The following SLCO4A1 variants were observed in gnomAD, a reference collection of about 807,000 sequenced individuals.
SLCO4A1 encodes solute carrier organic anion transporter family member 4A1.
A neutral mutation model predicts 64.6 loss-of-function variants in SLCO4A1; 51 were observed. The ratio of observed to expected loss-of-function variants is 0.79; its 90% CI spans 0.63 to 1.00. The LOEUF (loss-of-function observed/expected upper bound fraction) is 1.00. SLCO4A1 is among the 50% of genes least tolerant of loss of function. The probability of loss-of-function intolerance (pLI) is 0.00; values close to 1 mark genes in which losing one functional copy is unlikely to be tolerated. For missense variants in SLCO4A1, 919 were observed against 980.5 expected (o/e 0.94, Z 0.84); for synonymous variants, 471 against 444.9 (o/e 1.06, Z -0.74).
In SLCO4A1 at chr20:62,658,738, G is replaced by A. The variant is rs1260473500; in HGVS notation, c.858G>A (p.Leu286=). 5.6e-6 allele frequency: 9 copies of A among 1,611,916 alleles called. No individual in the cohort carries two copies. The African/African-American group carries it at 8.0e-5, about 14-fold the overall frequency. The change falls in exon 3 of 12, where the codon CTG becomes CTA. Residue 286 remains leucine, a synonymous_variant. Transcript: ENST00000217159. ...CCGGCTACCTGATTGGAGGTGCCCT[G>A]CTGAATATCTACACGGAAATGGGCC... ...PAAGYLIGGA[L]LNIYTEMGRR... is the part of the protein sequence containing the mutation.
chr20:62,666,236 GGT>G, intron 6 of SLCO4A1, 142 bp from the exon 7 acceptor site: 2 of 648,542 alleles, frequency 3.1e-6, no homozygotes, highest in Non-Finnish European at 5.3e-6. Context: ...ACTCAGGTGT[GGT>G]GTTGAGTGCT....
At chr20:62,660,619 T>C in intron 4 of SLCO4A1, 86 bp downstream of exon 4, 1 of 1,458,602 alleles carries the variant, frequency 6.9e-7, no homozygotes, top group South Asian at 1.2e-5. Flanking sequence ...TCCTCTGCTG[T>C]CTTTTTCCCC....
chr20:62,677,341 C>T (rs970765877), intron 2 of SLCO4A1, among the ~76,000 whole-genome samples: 1 of 152,230 alleles, frequency 6.6e-6, no homozygotes, highest in African/African-American at 2.4e-5. Context: ...ATGCATTCAT[C>T]GCTGACTGCC....
Position 62,656,760 on chromosome 20 carries a change from C to T in SLCO4A1, c.306C>T (p.Pro102=), listed in dbSNP as rs138778384. 25 of 1,612,656 alleles carry T rather than the reference C, an allele frequency of 1.6e-5. No individual in the cohort carries two copies. In the African/African-American group the frequency reaches 3.1e-4, roughly 20 times the overall value. The change falls in exon 2 of 12, where the codon CCC becomes CCT. Residue 102 remains proline (P), a synonymous_variant. Coordinates refer to ENST00000217159, the MANE Select transcript of SLCO4A1 (RefSeq NM_016354.4). ...CGTGCCTGCAGGTCCTCAACACGCC[C>T]AAGGGCATCCTGTTCTTCCTGTGTG... ...APPCLQVLNT[P]KGILFFLCAA... is the part of the protein sequence containing the mutation.
At chr20:62,643,132 G>C in intron 1 of SLCO4A1, 1 of 429,836 alleles carries the variant, frequency 2.3e-6, no homozygotes, top group South Asian at 1.6e-5. Flanking sequence ...GGGGAGCGCG[G>C]GCGGAGCGCA....
At chr20:62,679,246 G>C (rs889502347) in intron 2 of SLCO4A1, among the ~76,000 whole-genome samples, 24 of 152,168 alleles carry the variant, frequency 1.6e-4, no homozygotes, top group African/African-American at 5.8e-4. Flanking sequence ...GAGCTGCTCT[G>C]GGTCACGAAG....
chr20:62,658,794 G>A, intron 3 of SLCO4A1, 27 bp downstream of exon 3: 1 of 1,544,102 alleles, frequency 6.5e-7, no homozygotes, highest in Non-Finnish European at 8.8e-7. Context: ...CCAGCTGCCT[G>A]CGCTGGAGAG....
rs751679148 is a variant in SLCO4A1, at chr20:62,656,863, C to G, written c.409C>G (p.Leu137Val). 4.4e-6 allele frequency: 7 copies of G among 1,595,578 alleles called. No homozygotes were observed. The highest frequency in any genetic ancestry group is 4.0e-5 in the African/African-American group (3 of 74,662). The change falls in exon 2 of 12, where the codon CTG becomes GTG. Residue 137 changes from leucine (L) to valine (V), a missense_variant. Physicochemically the swap from Leu to Val is conservative, Grantham distance 32. Transcript: ENST00000217159. ...VITSLERRYD[L>V]HSYQSGLIAS... ...CACCTCCCTGGAGCGCCGCTATGAC[C>G]TGCACAGCTACCAGAGCGGGCTCAT...
At chr20:62,677,187 G>A (rs1489414191), downstream of SLCO4A1, among the ~76,000 whole-genome samples, 3 of 152,320 alleles carry the variant, frequency 2.0e-5, no homozygotes, top group South Asian at 2.1e-4. Flanking sequence ...TTGGTGCAGT[G>A]ATGAAATGTT....
At chr20:62,665,116 C>G in intron 6 of SLCO4A1, 28 bp downstream of exon 6, 1 of 1,590,206 alleles carries the variant, frequency 6.3e-7, no homozygotes. Context: ...TGGGGGTCCT[C>G]TGCTTTTATG....
At chr20:62,660,877 G>A (rs1984655993) in intron 4 of SLCO4A1, among the ~76,000 whole-genome samples, 187 bp from the exon 5 acceptor site, 1 of 151,946 alleles carries the variant, frequency 6.6e-6, no homozygotes, top group East Asian at 1.9e-4. Context: ...AACCCGGCTT[G>A]TGCTGCATTC....
chr20:62,671,635 G>T lies in SLCO4A1; in HGVS notation c.2026-115G>T, dbSNP rs1987224147. On this transcript the variant is annotated intron_variant, in intron 11 of 11. Transcript: ENST00000217159. ...CTCTCAGAGCAGGATGGGTTTCCGT[G>T]GACCTGGTGAGGGTGCTGCAGGCTG... 3.3e-6 allele frequency: 3 copies of T among 921,054 alleles called. No individual in the cohort carries two copies. In the South Asian group the frequency reaches 4.7e-5, roughly 15 times the overall value. The allele number at this position is 921,054 out of a possible 1,614,324, so 57.1% of individuals were successfully genotyped here.
At chr20:62,672,596 A>G (rs1987359136), downstream of SLCO4A1, 1 of 152,302 alleles carries the variant, frequency 6.6e-6, no homozygotes. Flanking sequence ...AACGTGTCAC[A>G]GTAAAATTGT....
Position 62,685,576 on chromosome 20 carries a change from T to C in SLCO4A1, n.347T>C. 2.5e-6 allele frequency: 1 copy of C among 407,246 alleles called. No homozygotes were observed. The highest frequency in any genetic ancestry group is 3.3e-6 in the Non-Finnish European group (1 of 301,436). 25.2% of individuals were successfully genotyped at this position (407,246 alleles called of 1,614,324 possible). A position where few individuals can be genotyped will look rare whatever the true frequency, so the allele number is the denominator to read the frequency against. ...TGACAACGTCTTCCAGAGCAGGCTT[T>C]CTCTAGAGGGTGGACTGCCTGTGTT... On this transcript the variant is annotated non_coding_transcript_exon_variant, in exon 3 of 3. Transcript: ENST00000466818. This position sits in a 1 kb window ranked among gnomAD's most constrained non-coding sequence, Gnocchi z 4.6.
intron 2 of SLCO4A1, 145 bp downstream of exon 2, chr20:62,657,395 C>G (rs754271585): frequency 2.8e-5 from 23 of 823,170 alleles, no homozygotes; most frequent in Non-Finnish European, 4.1e-5. Flanking sequence ...CAAGAGTTGG[C>G]AGGGGAGGAG....
chr20:62,663,259 CAGA>C (rs1167108879), intron 5 of SLCO4A1: 1 of 152,230 alleles, frequency 6.6e-6, no homozygotes, highest in Non-Finnish European at 1.5e-5. Flanking sequence ...CCTGATTCTT[CAGA>C]ATCCATTTAC....
rs1984215797 is a variant in SLCO4A1, at chr20:62,658,716, G to T, written c.836G>T (p.Gly279Val). The part of the protein sequence containing the change: ...YTAAILGPAA[G>V]YLIGGALLNI... ...GCGGCCATCCTGGGCCCAGCTGCCG[G>T]CTACCTGATTGGAGGTGCCCTGCTG... Residue 279 changes from glycine to valine, a missense_variant, in exon 3 of 12, where the codon GGC becomes GTC. Coordinates refer to ENST00000217159, the MANE Select transcript of SLCO4A1 (RefSeq NM_016354.4). The T allele has an allele frequency of 1.9e-6, 3 of 1,612,234 alleles. No homozygotes were observed. The highest frequency in any genetic ancestry group is 1.3e-5 in the African/African-American group (1 of 74,926).
downstream of SLCO4A1, among the ~76,000 whole-genome samples, chr20:62,673,105 G>A (rs927161930): frequency 1.4e-5 from 2 of 143,216 alleles, no homozygotes; most frequent in African/African-American, 5.0e-5. Flanking sequence ...AGGGGACCTG[G>A]GCTCACCAGG....
chr20:62,645,330 C>T lies in SLCO4A1; in HGVS notation c.-97+2777C>T, dbSNP rs1440596247. On this transcript the variant is annotated intron_variant, in intron 1 of 11. Coordinates refer to ENST00000217159, the MANE Select transcript of SLCO4A1 (RefSeq NM_016354.4). The surrounding 1 kb of genome is among the most constrained non-coding windows in gnomAD (Gnocchi z 4.2). ...TGCTGCTGGGACAACAGACTCTGGG[C>T]GTGTCCTCCTGTGGGCCTCTGCAGA... Among the ~76,000 whole-genome samples the T allele has an allele frequency of 2.0e-5, 3 of 151,986 alleles. No homozygotes were observed. Among genetic ancestry groups the T allele is most frequent in the Non-Finnish European group, 4.4e-5 (3 of 67,970 alleles).
Sources: allele counts gnomAD v4.1 joint callset (sites outside exome capture counted in the v4.1 genomes callset), GRCh38; gene constraint gnomAD v4.1.1; non-coding constraint Gnocchi (gnomAD v3.1); transcripts MANE v1.5; gene names NCBI Gene and HGNC (gene_info 2026-07-23, HGNC 2026-07-21).